The following FAT3 variants were observed in gnomAD, a reference collection of about 807,000 sequenced individuals.
FAT3 encodes the protein protocadherin Fat 3.
A neutral mutation model predicts 310.2 loss-of-function variants in FAT3; 95 were observed. The observed-to-expected ratio is 0.31, with a 90% CI of 0.26 to 0.36. FAT3 has a LOEUF of 0.36. FAT3 is among the 10% of genes least tolerant of loss of function. The pLI is 1.00. For missense variants in FAT3, 5,408 were observed against 5,715.6 expected (o/e 0.95, Z 1.74); for synonymous variants, 2,314 against 2,192.9 (o/e 1.06, Z -1.54).
At chr11:92,549,720 G>T (rs955218027) in intron 3 of FAT3, among the ~76,000 whole-genome samples, 3 of 152,128 alleles carry the variant, frequency 2.0e-5, no homozygotes, top group Non-Finnish European at 2.9e-5. Context: ...TGTCATTGAA[G>T]AAATTAATGT....
chr11:92,513,863 A>G (rs1953389450), intron 2 of FAT3, among the ~76,000 whole-genome samples: 1 of 152,122 alleles, frequency 6.6e-6, no homozygotes. Context: ...TGACCCCCAA[A>G]GCATTCCCTG....
intron 3 of FAT3, among the ~76,000 whole-genome samples, chr11:92,638,639 A>G (rs1188622973): frequency 6.6e-6 from 1 of 152,166 alleles, no homozygotes; most frequent in Non-Finnish European, 1.5e-5. Flanking sequence ...TGAATTGGAC[A>G]CTTGAAGCAC....
At chr11:92,233,732 T>C (rs1271073383) in intron 1 of FAT3, among the ~76,000 whole-genome samples, 3 of 152,216 alleles carry the variant, frequency 2.0e-5, no homozygotes, top group Non-Finnish European at 4.4e-5. Context: ...AACAATTGAA[T>C]GGGAAATGTA....
At chr11:92,567,587 G>C (rs567958289) in intron 3 of FAT3, among the ~76,000 whole-genome samples, 9 of 151,642 alleles carry the variant, frequency 5.9e-5, no homozygotes, top group Non-Finnish European at 1.2e-4. Context: ...ACATGCACAC[G>C]TATGTTTATT....
intron 3 of FAT3, among the ~76,000 whole-genome samples, chr11:92,689,894 G>C (rs1284390129): frequency 1.3e-5 from 2 of 152,138 alleles, no homozygotes; most frequent in African/African-American, 4.8e-5. Flanking sequence ...CCTTCACTCT[G>C]ATGACAAGTG....
chr11:92,782,729 A>G (rs553599625), intron 7 of FAT3, among the ~76,000 whole-genome samples: 2 of 152,102 alleles, frequency 1.3e-5, no homozygotes, highest in Non-Finnish European at 2.9e-5. Flanking sequence ...AACGACCTTC[A>G]TGTATTGGGG....
rs755741005 is a variant in FAT3 at position 92,799,310 on chromosome 11, C to T, written c.6297C>T (p.Pro2099=). ...YYAAVQVDAE[P]GTLIYQVTAI... ...CTGCTGTTCAAGTGGATGCGGAACC[C>T]GGGACTCTGATTTATCAGGTGACAG... is the stretch of plus-strand genomic sequence containing the variant. The change falls in exon 10 of 28, where the codon CCC becomes CCT. Residue 2099 remains proline (P), a synonymous_variant. Transcript: ENST00000525166. 28 of 1,613,752 alleles carry T rather than the reference C, an allele frequency of 1.7e-5. No homozygotes were observed. The highest frequency in any genetic ancestry group is 1.7e-4 in the Middle Eastern group (1 of 6,060).
intron 2 of FAT3, among the ~76,000 whole-genome samples, chr11:92,481,806 C>A (rs1952234020): frequency 1.3e-5 from 2 of 152,112 alleles, no homozygotes; most frequent in South Asian, 4.1e-4. Context: ...AGCAAAAAGA[C>A]TATTCGGAAT....
intron 3 of FAT3, among the ~76,000 whole-genome samples, chr11:92,586,839 C>T (rs1241076729): frequency 6.6e-6 from 1 of 151,858 alleles, no homozygotes; most frequent in Non-Finnish European, 1.5e-5. Flanking sequence ...ATTTCAGCAA[C>T]CTGTTTCTCT....
intron 1 of FAT3, among the ~76,000 whole-genome samples, chr11:92,349,291 A>G (rs566477300): frequency 5.3e-5 from 8 of 152,264 alleles, no homozygotes; most frequent in African/African-American, 1.9e-4. Context: ...AGACTCGCTT[A>G]CTTTACCGTG....
At chr11:92,609,483 G>A (rs1565454647) in intron 3 of FAT3, among the ~76,000 whole-genome samples, 1 of 152,108 alleles carries the variant, frequency 6.6e-6, no homozygotes, top group Non-Finnish European at 1.5e-5. Context: ...AATCCCTGGT[G>A]GAATTTGAAT....
intron 15 of FAT3, among the ~76,000 whole-genome samples, 163 bp from the exon 16 acceptor site, chr11:92,836,403 T>C (rs1325536843): frequency 6.6e-6 from 1 of 152,164 alleles, no homozygotes; most frequent in Non-Finnish European, 1.5e-5. Context: ...CTTCAGCTGA[T>C]TAATCATCTC....
chr11:92,280,183 G>C (rs917255226), intron 1 of FAT3, among the ~76,000 whole-genome samples: 1 of 152,248 alleles, frequency 6.6e-6, no homozygotes, highest in Admixed American at 6.5e-5. Context: ...AAGAACGATC[G>C]AAGACATGAG....
intron 15 of FAT3, among the ~76,000 whole-genome samples, chr11:92,835,802 A>G (rs1463222891): frequency 6.6e-6 from 1 of 152,192 alleles, no homozygotes; most frequent in Admixed American, 6.5e-5. Flanking sequence ...AGCCACTCTT[A>G]AAGGAGACTT....
intron 7 of FAT3, among the ~76,000 whole-genome samples, chr11:92,786,996 T>C (rs897272972): frequency 3.3e-5 from 5 of 152,184 alleles, no homozygotes; most frequent in Non-Finnish European, 7.3e-5. Context: ...GATGATTCTT[T>C]CTTGCGGGGG....
intron 3 of FAT3, among the ~76,000 whole-genome samples, chr11:92,616,132 A>C (rs1458739791): frequency 1.3e-5 from 2 of 152,136 alleles, no homozygotes; most frequent in African/African-American, 4.8e-5. Flanking sequence ...GTAGGTCTCT[A>C]AAGACTTGCT....
At chr11:92,513,680 C>T (rs1468269540) in intron 2 of FAT3, among the ~76,000 whole-genome samples, 1 of 152,148 alleles carries the variant, frequency 6.6e-6, no homozygotes, top group African/African-American at 2.4e-5. Context: ...TGAGAATTTA[C>T]ATTTTCAATA....
At chr11:92,886,546 G>A (rs1487501602) in intron 24 of FAT3, among the ~76,000 whole-genome samples, 2 of 152,190 alleles carry the variant, frequency 1.3e-5, no homozygotes, top group African/African-American at 4.8e-5. Context: ...TCCAGAGATG[G>A]AAGTTAGGAT....
Position 92,306,436 on chromosome 11 carries a change from A to G in FAT3, c.-17-45660A>G, listed in dbSNP as rs574687051. On this transcript the variant is annotated intron_variant, in intron 1 of 27. Transcript: ENST00000525166. ...CTTCAGTTTTAGTACCCTTCCCCCC[A>G]TGAGCTTTTTCCAAGGCTCTCCACT... Among the ~76,000 whole-genome samples, 5 of 143,322 alleles carry G rather than the reference A, an allele frequency of 3.5e-5. No individual in the cohort carries two copies. In the Admixed American group the frequency reaches 3.7e-4, roughly 11 times the overall value. 94.0% of individuals were successfully genotyped at this position (143,322 alleles called of 152,430 possible).
Sources: allele counts gnomAD v4.1 joint callset (sites outside exome capture counted in the v4.1 genomes callset), GRCh38; gene constraint gnomAD v4.1.1; transcripts MANE v1.5; gene names NCBI Gene and HGNC (gene_info 2026-07-23, HGNC 2026-07-21).